SLC26A11: variants seen among roughly 807,000 people sequenced by gnomAD.
SLC26A11 encodes the protein sodium-independent sulfate anion transporter.
A neutral mutation model predicts 62.2 loss-of-function variants in SLC26A11; 58 were observed. The observed-to-expected ratio is 0.93, with a 90% confidence interval of 0.76 to 1.16. The LOEUF (loss-of-function observed/expected upper bound fraction) is 1.16, where lower values mean the gene tolerates loss of function less well. Ranked by LOEUF, SLC26A11 falls within the 50% of genes most tolerant of loss-of-function variation. The probability of loss-of-function intolerance (pLI) is 0.00; values close to 1 mark genes in which losing one functional copy is unlikely to be tolerated. For missense variants in SLC26A11, 790 were observed against 794.3 expected, an observed-to-expected ratio of 0.99 and a Z score of 0.06; for synonymous variants, 411 against 368.9, an observed-to-expected ratio of 1.11 and a Z score of -1.31.
chr17:80,232,719 A>G (rs1598809533), intron 7 of SLC26A11, among the ~76,000 whole-genome samples: 1 of 152,226 alleles, frequency 6.6e-6, no homozygotes, highest in South Asian at 2.1e-4. Flanking sequence ...TAGATCTACC[A>G]TGTTGCTGTT....
intron 5 of SLC26A11, 99 bp from the exon 6 acceptor site, chr17:80,225,738 G>T (rs903916771): frequency 2.8e-6 from 3 of 1,054,754 alleles, no homozygotes; most frequent in Non-Finnish European, 4.3e-6. Context: ...AGGGCCGGGG[G>T]ACACTGTCTC....
rs568961616 is a variant in SLC26A11, at chr17:80,252,931, G to A, written c.*215G>A. 12 of 509,814 alleles carry A rather than the reference G, an allele frequency of 2.4e-5. No individual in the cohort carries two copies. The East Asian group carries it at 2.8e-4, about 12-fold the overall frequency. 31.6% of individuals were successfully genotyped at this position (509,814 alleles called of 1,614,324 possible). On this transcript the variant is annotated 3_prime_UTR_variant, in exon 18 of 18. Coordinates refer to ENST00000361193, the MANE Select transcript of SLC26A11 (RefSeq NM_001166347.2). The surrounding 1 kb of genome is among the most constrained non-coding windows in gnomAD (Gnocchi z 5.2). ...TGTGGGATGACTGGAAAATGACCTC[G>A]CTGCTGTTCCCTGGCATGACCCTCT... is the stretch of plus-strand genomic sequence containing the variant.
intron 9 of SLC26A11, among the ~76,000 whole-genome samples, chr17:80,239,546 C>T (rs932174307): frequency 8.6e-5 from 13 of 152,010 alleles, no homozygotes; most frequent in South Asian, 2.1e-4. Flanking sequence ...TCCGCCACCA[C>T]GCCCAGCTAA....
chr17:80,235,541 A>T (rs1053592687), intron 7 of SLC26A11, among the ~76,000 whole-genome samples: 1 of 152,122 alleles, frequency 6.6e-6, no homozygotes, highest in Non-Finnish European at 1.5e-5. Flanking sequence ...TTTTTTGTGG[A>T]GACAGTGTCT....
At chr17:80,225,102 G>A (rs566307588) in intron 5 of SLC26A11, among the ~76,000 whole-genome samples, 5 of 152,228 alleles carry the variant, frequency 3.3e-5, no homozygotes, top group Admixed American at 1.3e-4. Context: ...GTGGGAGGCC[G>A]AGGTGGGAGG....
chr17:80,248,350 G>C (rs773645518), intron 14 of SLC26A11, 93 bp downstream of exon 14: 1 of 1,482,582 alleles, frequency 6.7e-7, no homozygotes, highest in African/African-American at 1.4e-5. Flanking sequence ...GATTGTGGTC[G>C]TGGGTGCTGC....
chr17:80,221,801 C>T lies in SLC26A11; in HGVS notation c.234+7C>T, dbSNP rs769437971. 4.5e-5 allele frequency: 72 copies of T among 1,605,224 alleles called. No individual in the cohort carries two copies. The highest frequency in any genetic ancestry group is 5.9e-5 in the Non-Finnish European group (69 of 1,177,704). On this transcript the variant is annotated splice_region_variant and intron_variant, in intron 3 of 17. Coordinates refer to ENST00000361193, the MANE Select transcript of SLC26A11 (RefSeq NM_001166347.2). Reference sequence around the variant, plus strand: ...GGCTGGACTCCCGCCCCAGGTGAGGCGTCTGACCCTGCTGCCAGCCATATC... The same window carrying T: ...GGCTGGACTCCCGCCCCAGGTGAGGTGTCTGACCCTGCTGCCAGCCATATC...
rs1002977849 is a variant in SLC26A11, at chr17:80,252,206, GCCTCTT to G, written c.1730-410_1730-405del. Among the ~76,000 whole-genome samples the G allele has an allele frequency of 1.4e-4, 21 of 152,322 alleles. No individual in the cohort carries two copies. Among genetic ancestry groups the G allele is most frequent in the Admixed American group, 1.2e-3 (18 of 15,290 alleles). Reference sequence around the variant, plus strand: ...AGAGGGTCCCAGGCCCCAGTGCTAGGCCTCTTCCTCTTCCACTGAGGTCACAGCTGA... The same window carrying G: ...AGAGGGTCCCAGGCCCCAGTGCTAGGCCTCTTCCACTGAGGTCACAGCTGA... On this transcript the variant is annotated intron_variant, in intron 17 of 17. Coordinates refer to ENST00000361193, the MANE Select transcript of SLC26A11 (RefSeq NM_001166347.2). This position sits in a 1 kb window ranked among gnomAD's most constrained non-coding sequence, Gnocchi z 5.2.
intron 7 of SLC26A11, among the ~76,000 whole-genome samples, chr17:80,231,504 T>C (rs1440586689): frequency 6.6e-6 from 1 of 152,168 alleles, no homozygotes; most frequent in Non-Finnish European, 1.5e-5. Context: ...GGATCTTTGA[T>C]TTGAGACCTT....
At position 80,222,985 on chromosome 17, in the gene SLC26A11, G is replaced by A; in HGVS notation, c.427+138G>A. 1.2e-6 allele frequency: 1 copy of A among 858,584 alleles called. No individual in the cohort carries two copies. Among genetic ancestry groups the A allele is most frequent in the Non-Finnish European group, 1.8e-6 (1 of 563,742 alleles). 53.2% of individuals were successfully genotyped at this position (858,584 alleles called of 1,614,324 possible). ...TGTGTGTGTGTGTAGGTGGGTGGGTGGTGGAGGGGGTGGGGCACTTGGCTC... is the reference window on the plus strand; with the variant it reads ...TGTGTGTGTGTGTAGGTGGGTGGGTAGTGGAGGGGGTGGGGCACTTGGCTC... On this transcript the variant is annotated intron_variant, in intron 4 of 17. Transcript: ENST00000361193. The surrounding 1 kb of genome is among the most constrained non-coding windows in gnomAD (Gnocchi z 4.7).
chr17:80,248,011 G>C, intron 13 of SLC26A11, 119 bp from the exon 14 acceptor site: 1 of 1,260,274 alleles, frequency 7.9e-7, no homozygotes, highest in Non-Finnish European at 1.1e-6. Context: ...GGGGCTGCTT[G>C]GGGTCCATGA....
intron 6 of SLC26A11, among the ~76,000 whole-genome samples, chr17:80,227,009 G>C (rs759133431): frequency 6.6e-6 from 1 of 152,206 alleles, no homozygotes; most frequent in Non-Finnish European, 1.5e-5. Context: ...CCAGATGGGG[G>C]AGCAGTGATT....
chr17:80,224,312 AGAGTGT>A (rs2042323002), intron 5 of SLC26A11, among the ~76,000 whole-genome samples: 1 of 134,962 alleles, frequency 7.4e-6, no homozygotes, highest in South Asian at 2.3e-4. Flanking sequence ...TGTGTGTGAG[AGAGTGT>A]GAGTGTGTAT....
chr17:80,246,385 C>T lies in SLC26A11; in HGVS notation c.1154-124C>T, dbSNP rs2042996811. 1 of 1,447,376 alleles carries T rather than the reference C, an allele frequency of 6.9e-7. No homozygotes were observed. The highest frequency in any genetic ancestry group is 1.3e-5 in the South Asian group (1 of 77,242). 89.7% of individuals were successfully genotyped at this position (1,447,376 alleles called of 1,614,324 possible). On this transcript the variant is annotated intron_variant, in intron 12 of 17. Transcript: ENST00000361193. This position sits in a 1 kb window ranked among gnomAD's most constrained non-coding sequence, Gnocchi z 4.4. Reference sequence around the variant, plus strand: ...AGGAGACTGAGCAGGGGCTGGGGGCCTTGGCAGTCGTCGCCCTACCCCCAC... The same window carrying T: ...AGGAGACTGAGCAGGGGCTGGGGGCTTTGGCAGTCGTCGCCCTACCCCCAC...
At chr17:80,237,703 C>A in intron 9 of SLC26A11, 109 bp downstream of exon 9, 1 of 1,011,306 alleles carries the variant, frequency 9.9e-7, no homozygotes, top group South Asian at 1.5e-5. Flanking sequence ...AATTTGAATT[C>A]ATATCCAAGT....
chr17:80,250,999 G>A (rs910881800), intron 16 of SLC26A11, among the ~76,000 whole-genome samples: 7 of 151,974 alleles, frequency 4.6e-5, no homozygotes, highest in African/African-American at 7.3e-5. Context: ...ATAGCTGGAC[G>A]TGGTGGCGTG....
chr17:80,220,540 A>G, intron 1 of SLC26A11, 44 bp downstream of exon 1: 1 of 348,464 alleles, frequency 2.9e-6, no homozygotes, highest in Non-Finnish European at 5.1e-6. Context: ...GACCAGGGGC[A>G]GGGGGAGCGG....
intron 11 of SLC26A11, 98 bp downstream of exon 11, chr17:80,245,354 C>G: frequency 8.0e-7 from 1 of 1,246,564 alleles, no homozygotes; most frequent in Non-Finnish European, 1.2e-6. Flanking sequence ...GGCGCCCCGT[C>G]CTCCACTGTG....
At chr17:80,229,253 G>A (rs554569509) in intron 7 of SLC26A11, among the ~76,000 whole-genome samples, 7 of 152,190 alleles carry the variant, frequency 4.6e-5, no homozygotes, top group South Asian at 2.1e-4. Flanking sequence ...ACTTGAGGCC[G>A]TGGTGAACAC....
Sources: gnomAD v4.1 joint callset for allele counts (sites outside exome capture counted in the v4.1 genomes callset) on GRCh38, gnomAD v4.1.1 for gene constraint, Gnocchi (gnomAD v3.1) non-coding constraint, MANE v1.5 for transcripts, NCBI Gene and HGNC (gene_info 2026-07-23, HGNC 2026-07-21) for gene names.